Variants in CHD1 observed in about 807,000 individuals in gnomAD.
CHD1 encodes ATP-dependent chromatin remodeler CHD1.
A neutral mutation model predicts 224.2 loss-of-function variants in CHD1; 36 were observed. The observed-to-expected ratio is 0.16, with a 90% CI of 0.12 to 0.21. CHD1 has a LOEUF of 0.21. Among genes scored for constraint, CHD1 ranks in the 10% least tolerant of loss-of-function variants. CHD1 has a pLI of 1.00. For missense variants in CHD1, 1,378 were observed against 1,994.8 expected (o/e 0.69, Z 5.89); for synonymous variants, 668 against 658.3 (o/e 1.01, Z -0.23).
rs1750022634 is a variant in CHD1, at chr5:98,879,633, T to C, written c.3156A>G (p.Arg1052=). The C allele has an allele frequency of 6.2e-7, 1 of 1,609,646 alleles. No individual in the cohort carries two copies. Among genetic ancestry groups the C allele is most frequent in the African/African-American group, 1.3e-5 (1 of 74,682 alleles). ...GTCTTTCTTCTTCTTCTAATCGTCTTCTTTGATCTTCTGGAATAATTTCCT... is the reference window on the plus strand; with the variant it reads ...GTCTTTCTTCTTCTTCTAATCGTCTCCTTTGATCTTCTGGAATAATTTCCT... ...NWEEIIPEDQ[R]RRLEEEERQK... Residue 1052 remains arginine (R), a synonymous_variant, in exon 23 of 36, where the codon AGA becomes AGG. Transcript: ENST00000614616.
At chr5:98,898,121 T>G (rs192816967) in intron 10 of CHD1, 135 bp downstream of exon 10, 5 of 422,228 alleles carry the variant, frequency 1.2e-5, no homozygotes, top group Admixed American at 4.4e-5. Flanking sequence ...GTTCACTTCC[T>G]GTAAGACCTA....
In CHD1 at chr5:98,893,541, A is replaced by G. The variant is rs776998391; in HGVS notation, c.1866T>C (p.Asp622=). Residue 622 remains aspartate (D), a synonymous_variant, in exon 14 of 36, where the codon GAT becomes GAC. Transcript: ENST00000614616. The part of the protein sequence containing the change: ...GVDEAHRLKN[D]DSLLYKTLID... ...TTAAAGTTTTATACAGAAGGGAGTC[A>G]TCATTCTTTAATCGGTGTGCTTCAT... 3 of 1,610,996 alleles carry G rather than the reference A, an allele frequency of 1.9e-6. No homozygotes were observed. Among genetic ancestry groups the G allele is most frequent in the Non-Finnish European group, 2.5e-6 (3 of 1,178,394 alleles).
chr5:98,901,368 GT>G, intron 5 of CHD1, 33 bp from the exon 6 acceptor site: 1 of 1,559,908 alleles, frequency 6.4e-7, no homozygotes, highest in Non-Finnish European at 8.7e-7. Flanking sequence ...ATTTTTATTT[GT>G]ACTTATATGG....
At chr5:98,885,310 T>C (rs1750572653) in intron 18 of CHD1, among the ~76,000 whole-genome samples, 2 of 152,078 alleles carry the variant, frequency 1.3e-5, no homozygotes, top group Admixed American at 6.5e-5. Flanking sequence ...GAGAATAGCT[T>C]GAACCTGGGA....
At chr5:98,918,223 A>C (rs1430202853) in intron 2 of CHD1, among the ~76,000 whole-genome samples, 1 of 151,452 alleles carries the variant, frequency 6.6e-6, no homozygotes, top group Non-Finnish European at 1.5e-5. Flanking sequence ...ACGCCCAGCT[A>C]ATTTTTTTGT....
At chr5:98,877,968 A>C (rs1341453013) in intron 23 of CHD1, among the ~76,000 whole-genome samples, 1 of 152,236 alleles carries the variant, frequency 6.6e-6, no homozygotes, top group African/African-American at 2.4e-5. Flanking sequence ...TCTAAATGTA[A>C]GGATATACAG....
chr5:98,881,252 CTTTTTTTT>C lies in CHD1; in HGVS notation c.2964+19_2964+26del, dbSNP rs11295695. On this transcript the variant is annotated intron_variant, in intron 21 of 35. Coordinates refer to ENST00000614616, the MANE Select transcript of CHD1 (RefSeq NM_001270.4). ...ATATGACACATATTCTGAGGCAGGC[CTTTTTTTT>C]TTTTTTTTTTTTTTTTACCTGGGGC... 386 of 674,876 alleles carry C rather than the reference CTTTTTTTT, an allele frequency of 5.7e-4. No homozygotes were observed. Among genetic ancestry groups the C allele is most frequent in the African/African-American group, 5.3e-3 (221 of 41,314 alleles). 41.8% of individuals were successfully genotyped at this position (674,876 alleles called of 1,614,324 possible).
chr5:98,894,489 T>C lies in CHD1; in HGVS notation c.1800+108A>G, dbSNP rs552682884. The C allele has an allele frequency of 4.5e-5, 19 of 425,306 alleles. 1 individual carries two copies. The South Asian group carries it at 5.8e-4, about 13-fold the overall frequency. 26.3% of individuals were successfully genotyped at this position (425,306 alleles called of 1,614,324 possible). ...ATTAAAAAAATAAGACCACAGGCTA[T>C]AGCTTGCTGACTCACGATTTAGGCT... On this transcript the variant is annotated intron_variant, in intron 13 of 35. Transcript: ENST00000614616.
chr5:98,874,584 C>T (rs942304316), intron 25 of CHD1, among the ~76,000 whole-genome samples: 8 of 149,366 alleles, frequency 5.4e-5, no homozygotes, highest in Non-Finnish European at 7.4e-5. Flanking sequence ...TGGTGGCATG[C>T]GCCTGTAGTC....
In CHD1 at chr5:98,922,084, G is replaced by A. The variant is rs547882075; in HGVS notation, c.53+4250C>T. Among the ~76,000 whole-genome samples, 146 of 152,188 alleles carry A rather than the reference G, an allele frequency of 9.6e-4. 1 individual carries two copies. The highest frequency in any genetic ancestry group is 3.4e-3 in the African/African-American group (140 of 41,524). ...AGAAAACTGCCAGAACACAGGAGAC[G>A]GAGGCTGCAGTGAGCCAAGATCGTG... On this transcript the variant is annotated intron_variant, in intron 2 of 35. Transcript: ENST00000614616.
chr5:98,869,393 C>A, intron 30 of CHD1: 1 of 359,482 alleles, frequency 2.8e-6, no homozygotes, highest in Non-Finnish European at 4.0e-6. Flanking sequence ...CAGAATCCCC[C>A]TAATAATGAT....
intron 2 of CHD1, among the ~76,000 whole-genome samples, chr5:98,912,282 T>C (rs1752472847): frequency 6.6e-6 from 1 of 152,178 alleles, no homozygotes; most frequent in South Asian, 2.1e-4. Context: ...ATGTATAATG[T>C]GTCAATAAAT....
chr5:98,885,860 A>T (rs1046911719), intron 17 of CHD1: 5 of 500,072 alleles, frequency 1.0e-5, no homozygotes, highest in Non-Finnish European at 1.8e-5. Context: ...GAGTAAATAC[A>T]GCATAGGCTG....
intron 30 of CHD1, chr5:98,869,353 G>A: frequency 2.9e-6 from 2 of 693,506 alleles, no homozygotes; most frequent in Non-Finnish European, 3.6e-6. Context: ...TATGACTACA[G>A]ATTGCATGTA....
chr5:98,897,606 C>T (rs921030511), intron 10 of CHD1, among the ~76,000 whole-genome samples: 3 of 152,070 alleles, frequency 2.0e-5, no homozygotes, highest in African/African-American at 4.8e-5. Flanking sequence ...GCAAAACCTA[C>T]GTTAAATTGT....
At chr5:98,909,704 A>G (rs1425527474) in intron 2 of CHD1, among the ~76,000 whole-genome samples, 1 of 152,066 alleles carries the variant, frequency 6.6e-6, no homozygotes, top group Non-Finnish European at 1.5e-5. Flanking sequence ...TCTTTTCCTT[A>G]TTTACCAGTT....
chr5:98,925,822 G>C (rs1169041158), intron 2 of CHD1, among the ~76,000 whole-genome samples: 1 of 151,058 alleles, frequency 6.6e-6, no homozygotes, highest in Non-Finnish European at 1.5e-5. Context: ...GTAGCCACTA[G>C]CCACATGTGA....
At chr5:98,862,958 C>T (rs1042985737) in intron 32 of CHD1, among the ~76,000 whole-genome samples, 2 of 152,130 alleles carry the variant, frequency 1.3e-5, no homozygotes, top group African/African-American at 4.8e-5. Context: ...ATTTGCACTA[C>T]ATTACCTTTA....
At chr5:98,910,877 G>A (rs1215913493) in intron 2 of CHD1, among the ~76,000 whole-genome samples, 5 of 150,948 alleles carry the variant, frequency 3.3e-5, no homozygotes, top group African/African-American at 1.2e-4. Context: ...TACAAATAGT[G>A]ATACAAAAAA....
Sources: allele counts gnomAD v4.1 joint callset (sites outside exome capture counted in the v4.1 genomes callset), GRCh38; gene constraint gnomAD v4.1.1; transcripts MANE v1.5; gene names NCBI Gene and HGNC (gene_info 2026-07-23, HGNC 2026-07-21).